Variants in GALNT13 observed in about 807,000 individuals in gnomAD.
The protein encoded by GALNT13 is polypeptide N-acetylgalactosaminyltransferase 13, also known as UDP-GalNAc:polypeptide N-acetylgalactosaminyltransferase 13.
Under a neutral mutation model 64.2 loss-of-function variants are expected in GALNT13, and 28 were observed. That is an observed-to-expected ratio of 0.44 (90% CI 0.32 to 0.60). The LOEUF (loss-of-function observed/expected upper bound fraction) is 0.60, where lower values mean the gene tolerates loss of function less well. Ranked by LOEUF, GALNT13 falls within the 20% of genes least tolerant of loss-of-function variation. The pLI is 0.05. For synonymous variants in GALNT13, 214 were observed against 224.6 expected, an observed-to-expected ratio of 0.95 and a Z score of 0.42; for missense variants, 577 against 669.8, an observed-to-expected ratio of 0.86 and a Z score of 1.53.
At chr2:153,403,336 T>C in the GALNT13 span, among the ~76,000 whole-genome samples, 1 of 151,932 alleles carries the variant, frequency 6.6e-6, no homozygotes, top group East Asian at 1.9e-4. Flanking sequence ...TTCAAAGCTG[T>C]CAGACAGGGA....
intron 4 of GALNT13, among the ~76,000 whole-genome samples, chr2:154,173,495 A>T (rs2105707520): frequency 6.6e-6 from 1 of 152,122 alleles, no homozygotes; most frequent in East Asian, 1.9e-4. Context: ...TGTTCTGGAA[A>T]GTATTTTCTG....
chr2:154,260,134 C>T (rs552825383), intron 8 of GALNT13, among the ~76,000 whole-genome samples: 3 of 152,152 alleles, frequency 2.0e-5, no homozygotes, highest in Non-Finnish European at 2.9e-5. Context: ...AATCCACCCC[C>T]CTCTGCCTCC....
intron 1 of GALNT13, among the ~76,000 whole-genome samples, chr2:153,896,773 T>C (rs1204980967): frequency 6.6e-6 from 1 of 152,124 alleles, no homozygotes; most frequent in Non-Finnish European, 1.5e-5. Flanking sequence ...TGTCTGTTGT[T>C]CTCTTCTTAA....
chr2:153,679,205 T>C, the GALNT13 span, among the ~76,000 whole-genome samples: 1 of 151,956 alleles, frequency 6.6e-6, no homozygotes, highest in Non-Finnish European at 1.5e-5. Context: ...AAATACCAGA[T>C]ACACAGATAA....
chr2:153,535,699 G>T, the GALNT13 span, among the ~76,000 whole-genome samples: 1 of 152,218 alleles, frequency 6.6e-6, no homozygotes, highest in Non-Finnish European at 1.5e-5. Flanking sequence ...TTTTAAGTTG[G>T]TGGCTGAGCT....
rs543769320 is a variant in GALNT13, at chr2:154,106,624, G to C, written c.143-33713G>C. On this transcript the variant is annotated intron_variant, in intron 3 of 12. Coordinates refer to ENST00000392825, the MANE Select transcript of GALNT13 (RefSeq NM_052917.4). ...TATTATAGATTATTATAGATTTATAGATTATTATGATTATTATAGAAGTCA... is the reference window on the plus strand; with the variant it reads ...TATTATAGATTATTATAGATTTATACATTATTATGATTATTATAGAAGTCA... Among the ~76,000 whole-genome samples the C allele has an allele frequency of 2.6e-5, 4 of 151,832 alleles. No homozygotes were observed. The South Asian group carries it at 8.3e-4, about 32-fold the overall frequency.
the GALNT13 span, among the ~76,000 whole-genome samples, chr2:153,779,119 T>A: frequency 6.6e-6 from 1 of 152,128 alleles, no homozygotes; most frequent in Admixed American, 6.5e-5. Context: ...ACATAATAAG[T>A]ACTGAATAAA....
At chr2:154,455,629 C>G (rs1440486339), downstream of GALNT13, among the ~76,000 whole-genome samples, 1 of 152,130 alleles carries the variant, frequency 6.6e-6, no homozygotes, top group Non-Finnish European at 1.5e-5. Context: ...TCTGTTGTGA[C>G]TACACCATGT....
the GALNT13 span, among the ~76,000 whole-genome samples, chr2:153,786,053 G>T: frequency 2.0e-5 from 3 of 151,838 alleles, no homozygotes; most frequent in Non-Finnish European, 4.4e-5. Context: ...CAGTAACAGC[G>T]GCTCCAAATT....
chr2:154,020,462 A>G (rs1006448872), intron 3 of GALNT13, among the ~76,000 whole-genome samples: 2 of 151,966 alleles, frequency 1.3e-5, no homozygotes, highest in Non-Finnish European at 2.9e-5. Flanking sequence ...GATGATGAGC[A>G]TTTTTTCATG....
At chr2:154,033,543 G>C (rs1477071857) in intron 3 of GALNT13, among the ~76,000 whole-genome samples, 1 of 151,948 alleles carries the variant, frequency 6.6e-6, no homozygotes, top group African/African-American at 2.4e-5. Context: ...CATATGAATG[G>C]CAAATAAGCA....
the GALNT13 span, among the ~76,000 whole-genome samples, chr2:153,445,523 G>A: frequency 2.0e-5 from 3 of 152,022 alleles, no homozygotes; most frequent in African/African-American, 7.2e-5. Context: ...GACTAGAGGT[G>A]CATGCACAAT....
At chr2:153,988,345 G>C (rs7584834) in intron 3 of GALNT13, among the ~76,000 whole-genome samples, 116,340 of 151,732 alleles carry the variant, frequency 0.77, 44,988 homozygotes, top group East Asian at 0.96. Flanking sequence ...CTGCCCAGCC[G>C]CTAGTAACCA....
chr2:153,148,380 G>A, the GALNT13 span, among the ~76,000 whole-genome samples: 1 of 151,674 alleles, frequency 6.6e-6, no homozygotes, highest in East Asian at 1.9e-4. Flanking sequence ...TGTCTCTCTT[G>A]CTTCCTGAAT....
the GALNT13 span, among the ~76,000 whole-genome samples, chr2:153,216,079 A>C: frequency 1.3e-5 from 2 of 152,014 alleles, no homozygotes; most frequent in African/African-American, 4.8e-5. Context: ...GGAATGATAC[A>C]ATATGTACTT....
intron 8 of GALNT13, among the ~76,000 whole-genome samples, chr2:154,298,474 A>G (rs1487446159): frequency 2.2e-5 from 3 of 134,544 alleles, no homozygotes; most frequent in Non-Finnish European, 4.6e-5. Flanking sequence ...TATAAATTAT[A>G]TATAAATTAT....
chr2:153,878,403 C>A (rs1686543225), intron 1 of GALNT13, among the ~76,000 whole-genome samples: 1 of 152,108 alleles, frequency 6.6e-6, no homozygotes, highest in African/African-American at 2.4e-5. Flanking sequence ...ACCCACACAG[C>A]TCTGGCCGGC....
intron 4 of GALNT13, among the ~76,000 whole-genome samples, chr2:154,221,544 T>C (rs1688323412): frequency 6.6e-6 from 1 of 152,092 alleles, no homozygotes; most frequent in Non-Finnish European, 1.5e-5. Context: ...AAGACAGCAG[T>C]GATCTTGAAT....
intron 8 of GALNT13, among the ~76,000 whole-genome samples, chr2:154,284,875 G>A (rs1477021863): frequency 6.6e-6 from 1 of 152,032 alleles, no homozygotes; most frequent in African/African-American, 2.4e-5. Context: ...GAGAATAACT[G>A]TGAAATATAA....
Sources: gnomAD v4.1 joint callset for allele counts (sites outside exome capture counted in the v4.1 genomes callset) on GRCh38, gnomAD v4.1.1 for gene constraint, MANE v1.5 for transcripts, NCBI Gene and HGNC (gene_info 2026-07-23, HGNC 2026-07-21) for gene names.